The following POLE2 variants were observed in gnomAD, a reference collection of about 807,000 sequenced individuals.
POLE2 encodes DNA polymerase epsilon 2, accessory subunit.
In POLE2, 56 loss-of-function variants were observed where a neutral mutation model predicts 79.4. That is an observed-to-expected ratio of 0.71 (90% CI 0.57 to 0.88). The LOEUF is 0.88. Among genes scored for constraint, POLE2 ranks in the 40% least tolerant of loss-of-function variants. The probability of loss-of-function intolerance (pLI) is 0.00; values close to 1 mark genes in which losing one functional copy is unlikely to be tolerated. For synonymous variants in POLE2, 212 were observed against 214.0 expected, an observed-to-expected ratio of 0.99 and a Z score of 0.08; for missense variants, 598 against 638.9, an observed-to-expected ratio of 0.94 and a Z score of 0.69.
At chr14:49,665,327 C>G (rs543861682) in intron 7 of POLE2, among the ~76,000 whole-genome samples, 164 bp from the exon 8 acceptor site, 1 of 152,274 alleles carries the variant, frequency 6.6e-6, no homozygotes, top group East Asian at 1.9e-4. Flanking sequence ...AGTCTGATAA[C>G]CCCAGACTAA....
chr14:49,684,315 T>A (rs1473706550), intron 1 of POLE2, among the ~76,000 whole-genome samples: 2 of 151,290 alleles, frequency 1.3e-5, no homozygotes, highest in Admixed American at 1.3e-4. Context: ...ACACAAAAAA[T>A]TTAGCCGGGC....
Position 49,673,362 on chromosome 14 carries a change from C to T in POLE2, c.417+761G>A, listed in dbSNP as rs1886030321. On this transcript the variant is annotated intron_variant, in intron 5 of 18. Coordinates refer to ENST00000216367, the MANE Select transcript of POLE2 (RefSeq NM_002692.4). The stretch of plus-strand genomic sequence containing the variant: ...CAGTCCCAACTCCCAAGGGTGGCAT[C>T]CAAAGTGCTCCTACAATTTGGCTCC... Among the ~76,000 whole-genome samples, 7 of 152,314 alleles carry T rather than the reference C, an allele frequency of 4.6e-5. No homozygotes were observed. In the South Asian group the frequency reaches 1.5e-3, roughly 32 times the overall value.
chr14:49,650,962 T>C (rs1184473932), intron 16 of POLE2, among the ~76,000 whole-genome samples: 3 of 152,176 alleles, frequency 2.0e-5, no homozygotes. Flanking sequence ...TAAGAACAGT[T>C]TATTAAAACA....
At chr14:49,662,470 T>C (rs929185490) in intron 10 of POLE2, among the ~76,000 whole-genome samples, 2 of 152,232 alleles carry the variant, frequency 1.3e-5, no homozygotes, top group African/African-American at 4.8e-5. Context: ...AGAAGGCAAC[T>C]ACTTTAATTC....
In POLE2 at chr14:49,682,639, GGAAAAAAA is replaced by G. The variant is rs1453416985; in HGVS notation, c.169+946_169+953del. The stretch of plus-strand genomic sequence containing the variant: ...GCGACAGTGCAAGACTCCTTCTCAG[GGAAAAAAA>G]AAAAAAAAAAAAAAAAAAAGTCTAT... On this transcript the variant is annotated intron_variant, in intron 2 of 18. Coordinates refer to ENST00000216367, the MANE Select transcript of POLE2 (RefSeq NM_002692.4). Among the ~76,000 whole-genome samples, 168 of 101,966 alleles carry G rather than the reference GGAAAAAAA, an allele frequency of 1.6e-3. 4 individuals are homozygous for G. The highest frequency in any genetic ancestry group is 8.1e-3 in the African/African-American group (148 of 18,380). The allele number at this position is 101,966 out of a possible 152,430, so 66.9% of individuals were successfully genotyped here.
chr14:49,655,822 A>G lies in POLE2; in HGVS notation c.777T>C (p.Asn259=). Residue 259 remains asparagine, a synonymous_variant, in exon 11 of 19, where the codon AAT becomes AAC. Transcript: ENST00000216367. ...STTRAYYGNI[N]FFGGPSNTSV... is the part of the protein sequence containing the mutation. ...ATGTATTAGAAGGACCTCCAAAAAAATTAATATTTCCATAGTATGCCCTAG... is the reference window on the plus strand; with the variant it reads ...ATGTATTAGAAGGACCTCCAAAAAAGTTAATATTTCCATAGTATGCCCTAG... The G allele has an allele frequency of 6.5e-7, 1 of 1,549,924 alleles. No individual in the cohort carries two copies. Among genetic ancestry groups the G allele is most frequent in the Non-Finnish European group, 8.8e-7 (1 of 1,130,368 alleles).
chr14:49,685,106 C>G (rs908664213), intron 1 of POLE2, among the ~76,000 whole-genome samples: 1 of 152,158 alleles, frequency 6.6e-6, no homozygotes. Context: ...CTTTATACCT[C>G]ACATCAATAT....
chr14:49,648,896 C>T (rs1300375360), intron 17 of POLE2, among the ~76,000 whole-genome samples: 1 of 151,178 alleles, frequency 6.6e-6, no homozygotes, highest in Non-Finnish European at 1.5e-5. Context: ...CTTCCTGCCT[C>T]GGCCTCCCAA....
rs1885726007 is a variant in POLE2, at chr14:49,669,570, G to A, written c.446C>T (p.Pro149Leu). 6.3e-7 allele frequency: 1 copy of A among 1,597,572 alleles called. No individual in the cohort carries two copies. The change falls in exon 6 of 19, where the codon CCT becomes CTT. Residue 149 changes from proline (P) to leucine (L), a missense_variant. By Grantham distance (98) the Pro-to-Leu change is moderately conservative. Transcript: ENST00000216367. ...QRTHRHELFT[P>L]PVIGSHPDES... ...ATCAGGGTGAGAACCTATCACCGGA[G>A]GAGTAAATAATTCATGCCTGTGGGT...
At chr14:49,686,102 G>C (rs1184786283) in intron 1 of POLE2, among the ~76,000 whole-genome samples, 1 of 152,092 alleles carries the variant, frequency 6.6e-6, no homozygotes, top group Non-Finnish European at 1.5e-5. Flanking sequence ...ATGGTAGACA[G>C]ACTTCTAAGA....
chr14:49,660,495 A>AATAAG (rs1443503734), intron 10 of POLE2, among the ~76,000 whole-genome samples: 4 of 152,106 alleles, frequency 2.6e-5, no homozygotes, highest in African/African-American at 9.6e-5. Flanking sequence ...CTACATTATT[A>AATAAG]ATAAGAAAAA....
chr14:49,665,010 T>A (rs35615446), intron 8 of POLE2, 97 bp downstream of exon 8: 28 of 691,032 alleles, frequency 4.1e-5, no homozygotes, highest in South Asian at 3.8e-4. Context: ...AGAAGTTACA[T>A]TGAGAACCCA....
At chr14:49,669,477 A>C in intron 6 of POLE2, 47 bp downstream of exon 6, 1 of 878,658 alleles carries the variant, frequency 1.1e-6, no homozygotes, top group Non-Finnish European at 1.9e-6. Context: ...AACAAATATT[A>C]AACTTACACA....
At chr14:49,668,793 CTAA>C (rs2139658733) in intron 6 of POLE2, among the ~76,000 whole-genome samples, 1 of 152,142 alleles carries the variant, frequency 6.6e-6, no homozygotes, top group Non-Finnish European at 1.5e-5. Flanking sequence ...AATTTATACT[CTAA>C]TAAAAGTTTT....
chr14:49,663,446 T>C, intron 9 of POLE2, 59 bp from the exon 10 acceptor site: 1 of 1,186,060 alleles, frequency 8.4e-7, no homozygotes, highest in African/African-American at 1.5e-5. Context: ...AAGGACAAAA[T>C]TATGTTACAA....
intron 6 of POLE2, among the ~76,000 whole-genome samples, chr14:49,667,859 A>G (rs1285009239): frequency 6.6e-6 from 1 of 152,120 alleles, no homozygotes; most frequent in Non-Finnish European, 1.5e-5. Flanking sequence ...ATTACAAATA[A>G]TTCATGTTTA....
intron 5 of POLE2, among the ~76,000 whole-genome samples, chr14:49,669,941 C>A (rs1197040486): frequency 6.6e-6 from 1 of 152,170 alleles, no homozygotes; most frequent in South Asian, 2.1e-4. Flanking sequence ...GCTGACTGTA[C>A]CCCAGGCCAA....
chr14:49,663,489 T>G, intron 9 of POLE2, 102 bp from the exon 10 acceptor site: 2 of 619,004 alleles, frequency 3.2e-6, no homozygotes, highest in Non-Finnish European at 5.3e-6. Flanking sequence ...TCTCATGCCC[T>G]GTGAACTAAT....
At chr14:49,684,065 C>G (rs1196864866) in intron 1 of POLE2, among the ~76,000 whole-genome samples, 1 of 152,152 alleles carries the variant, frequency 6.6e-6, no homozygotes, top group Admixed American at 6.6e-5. Flanking sequence ...GTTTCAATGT[C>G]AAGCACCATA....
Sources: allele counts gnomAD v4.1 joint callset (sites outside exome capture counted in the v4.1 genomes callset), GRCh38; gene constraint gnomAD v4.1.1; transcripts MANE v1.5; gene names NCBI Gene and HGNC (gene_info 2026-07-23, HGNC 2026-07-21).